DENND1A: variants seen among roughly 807,000 people sequenced by gnomAD.
DENND1A encodes DENN domain-containing protein 1A.
Under a neutral mutation model 113.7 loss-of-function variants are expected in DENND1A, and 51 were observed. The observed-to-expected ratio is 0.45, with a 90% confidence interval of 0.36 to 0.57. The LOEUF is 0.57. Ranked by LOEUF, DENND1A falls within the 20% of genes least tolerant of loss-of-function variation. The pLI is 0.00. For missense variants in DENND1A, 1,258 were observed against 1,395.9 expected, an observed-to-expected ratio of 0.90 and a Z score of 1.57; for synonymous variants, 565 against 570.8, an observed-to-expected ratio of 0.99 and a Z score of 0.14.
intron 18 of DENND1A, among the ~76,000 whole-genome samples, chr9:123,444,953 A>G (rs889351101): frequency 6.6e-6 from 1 of 152,212 alleles, no homozygotes; most frequent in South Asian, 2.1e-4. Flanking sequence ...CAGGGTGGCA[A>G]ATCTCTTCCT....
At chr9:123,557,449 C>T in intron 13 of DENND1A, 121 bp downstream of exon 13, 1 of 1,455,364 alleles carries the variant, frequency 6.9e-7, no homozygotes, top group East Asian at 2.3e-5. Flanking sequence ...ACCACAAACA[C>T]ACACAAGCTC....
chr9:123,640,090 T>G (rs1247819089), intron 9 of DENND1A, among the ~76,000 whole-genome samples: 1 of 152,144 alleles, frequency 6.6e-6, no homozygotes, highest in Non-Finnish European at 1.5e-5. Context: ...TGATCTATAT[T>G]AATCCCACAA....
At chr9:123,897,630 A>G (rs1489899814) in intron 1 of DENND1A, among the ~76,000 whole-genome samples, 1 of 152,172 alleles carries the variant, frequency 6.6e-6, no homozygotes, top group African/African-American at 2.4e-5. Flanking sequence ...GACTTCAGAA[A>G]GCTGATTTTG....
chr9:123,723,148 G>A (rs186393441), intron 5 of DENND1A, among the ~76,000 whole-genome samples: 1 of 152,334 alleles, frequency 6.6e-6, no homozygotes, highest in East Asian at 1.9e-4. Flanking sequence ...TGGAACTTTA[G>A]GATTTGACTG....
At chr9:123,639,805 A>G (rs2061933070) in intron 9 of DENND1A, among the ~76,000 whole-genome samples, 1 of 151,872 alleles carries the variant, frequency 6.6e-6, no homozygotes, top group Non-Finnish European at 1.5e-5. Context: ...AAACAAAAAC[A>G]AAAAACAGCC....
chr9:123,570,823 T>C (rs2058313515), intron 12 of DENND1A, among the ~76,000 whole-genome samples: 1 of 152,190 alleles, frequency 6.6e-6, no homozygotes, highest in Non-Finnish European at 1.5e-5. Context: ...CACCAGTTCC[T>C]ACAAGCCCTG....
intron 1 of DENND1A, among the ~76,000 whole-genome samples, chr9:123,909,576 A>G (rs921634896): frequency 2.0e-5 from 3 of 152,034 alleles, no homozygotes; most frequent in African/African-American, 7.2e-5. Context: ...AACAGCTATC[A>G]ACATACTGGT....
chr9:123,528,412 T>C (rs143870822), intron 13 of DENND1A, among the ~76,000 whole-genome samples: 21 of 152,292 alleles, frequency 1.4e-4, no homozygotes, highest in African/African-American at 5.1e-4. Context: ...ATATTTGCCA[T>C]ATATTTATTG....
In DENND1A at chr9:123,700,119, C is replaced by G. The variant is rs145031810; in HGVS notation, c.303-23330G>C. Among the ~76,000 whole-genome samples, 550 of 152,292 alleles carry G rather than the reference C, an allele frequency of 3.6e-3. 2 individuals are homozygous for G. Among genetic ancestry groups the G allele is most frequent in the African/African-American group, 0.013 (523 of 41,548 alleles). On this transcript the variant is annotated intron_variant, in intron 5 of 23. Transcript: ENST00000394215. ...TAATCCGTATGGTCTACCCTTGTGC[C>G]AATACCACAATGTCTCAATTACTGT...
chr9:123,820,073 G>C (rs967044105), intron 2 of DENND1A, among the ~76,000 whole-genome samples: 2 of 152,168 alleles, frequency 1.3e-5, no homozygotes, highest in African/African-American at 2.4e-5. Flanking sequence ...AGAGGGGACA[G>C]TGATGATCTG....
chr9:123,847,171 C>T (rs1268681757), intron 2 of DENND1A, among the ~76,000 whole-genome samples: 2 of 151,924 alleles, frequency 1.3e-5, no homozygotes, highest in Non-Finnish European at 2.9e-5. Context: ...AGCAATTAGA[C>T]ACAGCTGAAG....
chr9:123,469,164 G>T (rs1564545684), intron 13 of DENND1A, among the ~76,000 whole-genome samples: 1 of 152,238 alleles, frequency 6.6e-6, no homozygotes, highest in Non-Finnish European at 1.5e-5. Flanking sequence ...CAGGACCAAG[G>T]CAGCTTTCTG....
At chr9:123,907,437 C>T (rs563423969) in intron 1 of DENND1A, among the ~76,000 whole-genome samples, 2 of 151,684 alleles carry the variant, frequency 1.3e-5, no homozygotes, top group African/African-American at 4.8e-5. Context: ...GATTGTATAT[C>T]TAGAAAACCC....
chr9:123,611,998 T>C (rs758059167), intron 10 of DENND1A, among the ~76,000 whole-genome samples: 1 of 152,234 alleles, frequency 6.6e-6, no homozygotes, highest in Non-Finnish European at 1.5e-5. Flanking sequence ...CGCAGAAATG[T>C]AGTTTTCTTA....
chr9:123,602,777 C>T (rs1407508124), intron 11 of DENND1A, among the ~76,000 whole-genome samples: 1 of 152,218 alleles, frequency 6.6e-6, no homozygotes, highest in Non-Finnish European at 1.5e-5. Context: ...TTGAGTGATC[C>T]TCTTGCCTCA....
At chr9:123,911,883 A>G (rs912154696) in intron 1 of DENND1A, among the ~76,000 whole-genome samples, 9 of 151,754 alleles carry the variant, frequency 5.9e-5, no homozygotes, top group African/African-American at 2.2e-4. Flanking sequence ...TTAGTAGAGA[A>G]CAGGGTTTCA....
intron 5 of DENND1A, among the ~76,000 whole-genome samples, chr9:123,683,030 C>T (rs2064571114): frequency 8.5e-6 from 1 of 118,136 alleles, no homozygotes. Flanking sequence ...ACAATACGTC[C>T]CCTATCCACC....
intron 2 of DENND1A, among the ~76,000 whole-genome samples, chr9:123,839,572 A>C (rs943663892): frequency 1.3e-5 from 2 of 152,256 alleles, no homozygotes; most frequent in African/African-American, 4.8e-5. Flanking sequence ...TTGTTAAGGA[A>C]ATAAACAGTA....
chr9:123,843,028 A>G, intron 2 of DENND1A: 1 of 481,832 alleles, frequency 2.1e-6, no homozygotes. Flanking sequence ...GCCACTCAAG[A>G]AAATACCATG....
Sources: allele counts gnomAD v4.1 joint callset (sites outside exome capture counted in the v4.1 genomes callset), GRCh38; gene constraint gnomAD v4.1.1; transcripts MANE v1.5; gene names NCBI Gene and HGNC (gene_info 2026-07-23, HGNC 2026-07-21).